LRRIQ1: variants seen among roughly 807,000 people sequenced by gnomAD.
LRRIQ1 encodes leucine rich repeats and IQ motif containing 1.
Under a neutral mutation model 211.9 loss-of-function variants are expected in LRRIQ1, and 210 were observed. The observed-to-expected ratio is 0.99, with a 90% CI of 0.89 to 1.11. The LOEUF (loss-of-function observed/expected upper bound fraction) is 1.11, where lower values mean the gene tolerates loss of function less well. Ranked by LOEUF, LRRIQ1 falls within the 50% of genes most tolerant of loss-of-function variation. LRRIQ1 has a pLI of 0.00. For missense variants in LRRIQ1, 2,136 were observed against 1,939.5 expected, an observed-to-expected ratio of 1.10 and a Z score of -1.90; for synonymous variants, 699 against 650.1, an observed-to-expected ratio of 1.08 and a Z score of -1.14.
At chr12:85,140,576 G>A (rs1889470207) in intron 19 of LRRIQ1, among the ~76,000 whole-genome samples, 1 of 151,144 alleles carries the variant, frequency 6.6e-6, no homozygotes, top group African/African-American at 2.4e-5. Flanking sequence ...TCTTATACCT[G>A]TTATTTATTT....
At chr12:85,197,860 A>G (rs1893018047) in intron 24 of LRRIQ1, among the ~76,000 whole-genome samples, 1 of 135,592 alleles carries the variant, frequency 7.4e-6, no homozygotes, top group Non-Finnish European at 1.5e-5. Context: ...TTATAAATAT[A>G]ATAAATATAA....
intron 24 of LRRIQ1, among the ~76,000 whole-genome samples, chr12:85,200,103 A>G (rs1893217471): frequency 6.6e-6 from 1 of 152,166 alleles, no homozygotes; most frequent in South Asian, 2.1e-4. Flanking sequence ...ATGCATGAGC[A>G]TGGAATGTTT....
Position 85,102,222 on chromosome 12 carries a change from A to G in LRRIQ1, c.3210-1782A>G, listed in dbSNP as rs185935757. On this transcript the variant is annotated intron_variant, in intron 13 of 26. Transcript: ENST00000393217. The stretch of plus-strand genomic sequence containing the variant: ...AGACTTAAACCCACTAATTATGTAA[A>G]GGTAAAGCCTGAATTTCCTCTATCC... Among the ~76,000 whole-genome samples the G allele has an allele frequency of 2.7e-3, 404 of 151,756 alleles. 3 individuals carry two copies. Among genetic ancestry groups the G allele is most frequent in the Non-Finnish European group, 4.2e-3 (281 of 67,694 alleles).
At position 85,243,820 on chromosome 12, in the gene LRRIQ1, A is replaced by C. The variant is rs1895587975; in HGVS notation, c.5017-969A>C. On this transcript the variant is annotated intron_variant, in intron 26 of 26. Transcript: ENST00000393217. ...GGTGAAGGGCAAATATCTGAATTTT[A>C]AAGAGGGTCATTTTTGGATACTAGC... 3.3e-5 allele frequency among the ~76,000 whole-genome samples: 5 copies of C among 151,660 alleles called. No homozygotes were observed. The Admixed American group carries it at 3.3e-4, about 10-fold the overall frequency.
rs138941495 is a variant in LRRIQ1 at position 85,046,737 on chromosome 12, G to A, written c.455-510G>A. On this transcript the variant is annotated intron_variant, in intron 5 of 26. Coordinates refer to ENST00000393217, the MANE Select transcript of LRRIQ1 (RefSeq NM_001079910.2). ...TTGCGGCACTATTCACAATAGCAAC[G>A]ACTTGGAACCAACCCAAATGTCCAT... Among the ~76,000 whole-genome samples, 263 of 152,110 alleles carry A rather than the reference G, an allele frequency of 1.7e-3. 3 individuals are homozygous for A. The highest frequency in any genetic ancestry group is 5.9e-3 in the African/African-American group (245 of 41,506).
At chr12:85,066,648 G>T in intron 9 of LRRIQ1, 100 bp from the exon 10 acceptor site, 1 of 815,334 alleles carries the variant, frequency 1.2e-6, no homozygotes. Flanking sequence ...ATATTAATTT[G>T]GAGATCCTAT....
chr12:85,062,708 T>C (rs1881980601), intron 8 of LRRIQ1, among the ~76,000 whole-genome samples: 1 of 151,748 alleles, frequency 6.6e-6, no homozygotes, highest in Non-Finnish European at 1.5e-5. Context: ...TTTCTTTTGA[T>C]ATATATCCAG....
At chr12:85,176,435 C>A (rs967333973) in intron 24 of LRRIQ1, among the ~76,000 whole-genome samples, 53 of 151,684 alleles carry the variant, frequency 3.5e-4, no homozygotes, top group African/African-American at 4.1e-4. Context: ...AGTTCATGTC[C>A]TTTGTAGGGA....
intron 19 of LRRIQ1, among the ~76,000 whole-genome samples, chr12:85,139,532 TGTATG>T (rs1889369030): frequency 6.6e-6 from 1 of 151,496 alleles, no homozygotes; most frequent in Admixed American, 6.6e-5. Flanking sequence ...GATATTCAAT[TGTATG>T]GTATTTTTCA....
rs776187911 is a variant in LRRIQ1 at position 85,056,363 on chromosome 12, CA to C, written c.1571del (p.Gln524ArgfsTer7). On this transcript the variant is annotated frameshift_variant, in exon 8 of 27. Coordinates refer to ENST00000393217, the MANE Select transcript of LRRIQ1 (RefSeq NM_001079910.2). LOFTEE classifies it high-confidence loss of function. ...NSDLKGNLKE[Q>X]FPLQELKSDA... ...TGATCTAAAAGGAAATCTGAAAGAACAGTTTCCATTGCAAGAATTAAAGTCT... is the reference window on the plus strand; with the variant it reads ...TGATCTAAAAGGAAATCTGAAAGAACGTTTCCATTGCAAGAATTAAAGTCT... 5.7e-5 allele frequency: 91 copies of C among 1,590,982 alleles called. No homozygotes were observed. The highest frequency in any genetic ancestry group is 7.7e-5 in the Non-Finnish European group (90 of 1,173,960).
chr12:85,112,250 C>G (rs1192016629), intron 15 of LRRIQ1, among the ~76,000 whole-genome samples: 3 of 151,748 alleles, frequency 2.0e-5, no homozygotes, highest in African/African-American at 7.3e-5. Context: ...AGATTTGGAT[C>G]TATTTTCTCT....
At chr12:85,205,062 T>C (rs1893476688) in intron 24 of LRRIQ1, among the ~76,000 whole-genome samples, 1 of 152,080 alleles carries the variant, frequency 6.6e-6, no homozygotes, top group Non-Finnish European at 1.5e-5. Flanking sequence ...GTTCTCTTGG[T>C]AGTGGATAAG....
chr12:85,110,417 C>T (rs1038476008), intron 15 of LRRIQ1, among the ~76,000 whole-genome samples: 1 of 152,026 alleles, frequency 6.6e-6, no homozygotes, highest in Non-Finnish European at 1.5e-5. Context: ...AACCCAGCCT[C>T]CCATTTTATA....
At chr12:85,119,379 G>A (rs1255419614) in intron 15 of LRRIQ1, among the ~76,000 whole-genome samples, 1 of 151,966 alleles carries the variant, frequency 6.6e-6, no homozygotes, top group African/African-American at 2.4e-5. Context: ...CTATTTTCTA[G>A]TTGTAGCACA....
At chr12:85,205,227 A>G (rs907148973) in intron 24 of LRRIQ1, among the ~76,000 whole-genome samples, 4 of 152,144 alleles carry the variant, frequency 2.6e-5, no homozygotes, top group Non-Finnish European at 5.9e-5. Context: ...CTGTAAATCC[A>G]ATTAAACCTC....
At chr12:85,256,602 TCA>T (rs1896102361) in intron 1 of LRRIQ1, among the ~76,000 whole-genome samples, 1 of 151,630 alleles carries the variant, frequency 6.6e-6, no homozygotes, top group African/African-American at 2.4e-5. Flanking sequence ...GGAGATCTAT[TCA>T]CAAGTCTTCA....
chr12:85,218,791 A>G (rs1361839644), intron 24 of LRRIQ1, among the ~76,000 whole-genome samples: 2 of 152,102 alleles, frequency 1.3e-5, no homozygotes, highest in Admixed American at 6.6e-5. Flanking sequence ...TTACATTAAT[A>G]TTTCTCAGAA....
intron 24 of LRRIQ1, among the ~76,000 whole-genome samples, chr12:85,172,415 G>C (rs1259184578): frequency 1.3e-5 from 2 of 152,308 alleles, no homozygotes; most frequent in African/African-American, 4.8e-5. Context: ...AATGGATTTA[G>C]ACTGAGAAAG....
intron 11 of LRRIQ1, chr12:85,076,440 T>C (rs1883659552): frequency 6.2e-6 from 1 of 160,276 alleles, no homozygotes; most frequent in Non-Finnish European, 1.3e-5. Flanking sequence ...TCTGAAAAAA[T>C]ATTTCTTTAA....
Sources: gnomAD v4.1 joint callset for allele counts (sites outside exome capture counted in the v4.1 genomes callset) on GRCh38, gnomAD v4.1.1 for gene constraint, MANE v1.5 for transcripts, NCBI Gene and HGNC (gene_info 2026-07-23, HGNC 2026-07-21) for gene names.